ANXA10: variants seen among roughly 807,000 people sequenced by gnomAD.
ANXA10 encodes annexin 14.
A neutral mutation model predicts 53.5 loss-of-function variants in ANXA10; 49 were observed. The observed-to-expected ratio is 0.92, with a 90% CI of 0.73 to 1.16. ANXA10 has a LOEUF of 1.16. Among genes scored for constraint, ANXA10 ranks in the 50% most tolerant of loss-of-function variants. The pLI is 0.00. For missense variants in ANXA10, 393 were observed against 394.4 expected (o/e 1.00, Z 0.03); for synonymous variants, 131 against 128.9 (o/e 1.02, Z -0.11).
intron 1 of ANXA10, among the ~76,000 whole-genome samples, chr4:168,113,898 T>G (rs1043445714): frequency 2.0e-5 from 3 of 152,244 alleles, no homozygotes; most frequent in Non-Finnish European, 4.4e-5. Context: ...ATATTATGCT[T>G]GGAAAAGTTA....
intron 3 of ANXA10, among the ~76,000 whole-genome samples, chr4:168,145,256 A>G (rs1731388839): frequency 6.6e-6 from 1 of 152,296 alleles, no homozygotes; most frequent in East Asian, 1.9e-4. Context: ...TTTGGATAAG[A>G]TCAAGTGTAT....
rs1732328527 is a variant in ANXA10, at chr4:168,184,642, C to A, written c.867C>A (p.Tyr289Ter). The A allele has an allele frequency of 6.2e-7, 1 of 1,614,060 alleles. No homozygotes were observed. The highest frequency in any genetic ancestry group is 1.3e-5 in the African/African-American group (1 of 75,036). The change falls in exon 11 of 12, where the codon TAC becomes TAA. Residue 289 changes from tyrosine to a stop codon, truncating the protein, a stop_gained. Coordinates refer to ENST00000359299, the MANE Select transcript of ANXA10 (RefSeq NM_007193.5). LOFTEE classifies it high-confidence loss of function. ...EIDLLTIRKRYKERYGKSLFH... is the reference protein window; with the variant it reads ...EIDLLTIRKR ...ACCTGCTGACCATAAGGAAACGATA[C>A]AAAGAGCGATATGGAAAATCCCTAT...
At chr4:168,152,817 A>G (rs915786955) in intron 3 of ANXA10, among the ~76,000 whole-genome samples, 7 of 148,658 alleles carry the variant, frequency 4.7e-5, no homozygotes, top group Non-Finnish European at 7.4e-5. Context: ...TAATATATAA[A>G]TAATATCTAT....
chr4:168,130,955 G>T (rs1003291380), intron 2 of ANXA10, among the ~76,000 whole-genome samples: 3 of 151,636 alleles, frequency 2.0e-5, no homozygotes, highest in African/African-American at 7.3e-5. Context: ...AGCTTTTGGT[G>T]CCATGGATGT....
At chr4:168,118,481 G>T (rs373897326) in intron 1 of ANXA10, among the ~76,000 whole-genome samples, 1 of 152,170 alleles carries the variant, frequency 6.6e-6, no homozygotes, top group Admixed American at 6.5e-5. Context: ...CCTGAGAAGT[G>T]ACTGTAATCT....
chr4:168,186,706 G>C (rs1015409747), intron 11 of ANXA10, among the ~76,000 whole-genome samples: 1 of 152,080 alleles, frequency 6.6e-6, no homozygotes, highest in African/African-American at 2.4e-5. Flanking sequence ...AACACACTAA[G>C]ACAGGTACTT....
chr4:168,108,968 C>T (rs1730759217), intron 1 of ANXA10, among the ~76,000 whole-genome samples: 1 of 152,162 alleles, frequency 6.6e-6, no homozygotes, highest in Non-Finnish European at 1.5e-5. Context: ...CTATGAATAA[C>T]AACACTGATT....
At chr4:168,134,672 C>G (rs1334408146) in intron 2 of ANXA10, among the ~76,000 whole-genome samples, 2 of 152,062 alleles carry the variant, frequency 1.3e-5, no homozygotes, top group Non-Finnish European at 2.9e-5. Flanking sequence ...GGGTCTTAAC[C>G]AGGCTTGAGC....
intron 3 of ANXA10, among the ~76,000 whole-genome samples, chr4:168,141,986 C>A (rs1731335145): frequency 6.6e-6 from 1 of 152,130 alleles, no homozygotes; most frequent in African/African-American, 2.4e-5. Flanking sequence ...TCATTACCAC[C>A]ACCCCAGTAA....
chr4:168,153,431 AAAAAAAAAAACAAAAACAAAAACAAAAC>A (rs1199945355), intron 3 of ANXA10, among the ~76,000 whole-genome samples: 10 of 59,570 alleles, frequency 1.7e-4, no homozygotes, highest in African/African-American at 3.1e-4. Flanking sequence ...GCAAAAAAAA[AAAAAAAAAAACAAAAACAAAAACAAAAC>A]AAAAAAAAAA....
At chr4:168,122,166 T>C (rs1730997491) in intron 1 of ANXA10, among the ~76,000 whole-genome samples, 3 of 152,154 alleles carry the variant, frequency 2.0e-5, no homozygotes, top group African/African-American at 7.2e-5. Context: ...ACTCCTCCAT[T>C]TTGACCTTCC....
At chr4:168,153,930 ATTAT>A (rs375948953) in intron 3 of ANXA10, among the ~76,000 whole-genome samples, 13 of 152,020 alleles carry the variant, frequency 8.6e-5, no homozygotes, top group African/African-American at 2.7e-4. Context: ...CTGAAATTAT[ATTAT>A]TTCTTTTTTT....
At chr4:168,127,184 G>C (rs1362699585) in intron 1 of ANXA10, among the ~76,000 whole-genome samples, 1 of 152,052 alleles carries the variant, frequency 6.6e-6, no homozygotes, top group Non-Finnish European at 1.5e-5. Context: ...ATGGTGCCTA[G>C]TCCTGACGGG....
chr4:168,178,451 C>T (rs950544833), intron 8 of ANXA10: 3 of 152,858 alleles, frequency 2.0e-5, no homozygotes, highest in African/African-American at 7.2e-5. Flanking sequence ...ACTACAGTGT[C>T]TTTTTCTTTT....
intron 1 of ANXA10, among the ~76,000 whole-genome samples, chr4:168,105,641 G>A (rs552753922): frequency 6.6e-6 from 1 of 152,096 alleles, no homozygotes; most frequent in Non-Finnish European, 1.5e-5. Context: ...CCAGTAGTGA[G>A]ATTGCTGGGT....
At chr4:168,128,044 T>C (rs1353953569) in intron 1 of ANXA10, 40 bp from the exon 2 acceptor site, 2 of 1,544,978 alleles carry the variant, frequency 1.3e-6, no homozygotes, top group Non-Finnish European at 1.8e-6. Context: ...AACATTAACA[T>C]GAATTATTAC....
chr4:168,154,829 G>T (rs142755134), intron 3 of ANXA10, among the ~76,000 whole-genome samples: 57 of 152,074 alleles, frequency 3.7e-4, no homozygotes, highest in African/African-American at 1.3e-3. Flanking sequence ...TAACTCACAG[G>T]GTTGTTGTAA....
At chr4:168,144,995 T>C (rs891936637) in intron 3 of ANXA10, among the ~76,000 whole-genome samples, 5 of 152,120 alleles carry the variant, frequency 3.3e-5, no homozygotes, top group African/African-American at 1.2e-4. Flanking sequence ...GATTGGGATT[T>C]TTAAGGATAA....
intron 3 of ANXA10, among the ~76,000 whole-genome samples, chr4:168,154,235 C>G (rs901705438): frequency 6.6e-6 from 1 of 152,058 alleles, no homozygotes; most frequent in Non-Finnish European, 1.5e-5. Flanking sequence ...TGAACATTGC[C>G]TTTTTTATCC....
Sources: allele counts gnomAD v4.1 joint callset (sites outside exome capture counted in the v4.1 genomes callset), GRCh38; gene constraint gnomAD v4.1.1; transcripts MANE v1.5; gene names NCBI Gene and HGNC (gene_info 2026-07-23, HGNC 2026-07-21).